Variants in ADGRL2 observed in about 807,000 individuals in gnomAD.
ADGRL2 encodes the protein adhesion G protein-coupled receptor L2.
Under a neutral mutation model 157.4 loss-of-function variants are expected in ADGRL2, and 44 were observed. The observed-to-expected ratio is 0.28, with a 90% CI of 0.22 to 0.36. The LOEUF is 0.36. Among genes scored for constraint, ADGRL2 ranks in the 10% least tolerant of loss-of-function variants. The pLI is 1.00. For missense variants in ADGRL2, 1,510 were observed against 1,768.9 expected (o/e 0.85, Z 2.63); for synonymous variants, 585 against 624.7 (o/e 0.94, Z 0.95).
At chr1:81,582,103 C>G (rs1250636703) in intron 3 of ADGRL2, among the ~76,000 whole-genome samples, 2 of 151,986 alleles carry the variant, frequency 1.3e-5, no homozygotes, top group African/African-American at 4.8e-5. Flanking sequence ...ACCTGTAACC[C>G]CAGCTCCTGG....
At chr1:81,627,385 T>C (rs1467620946) in intron 3 of ADGRL2, among the ~76,000 whole-genome samples, 2 of 152,154 alleles carry the variant, frequency 1.3e-5, no homozygotes, top group Non-Finnish European at 2.9e-5. Flanking sequence ...AGGCCTTTAA[T>C]TGAGCTGACT....
intron 14 of ADGRL2, among the ~76,000 whole-genome samples, chr1:81,968,512 G>C (rs1217128707): frequency 6.6e-6 from 1 of 152,196 alleles, no homozygotes; most frequent in Admixed American, 6.5e-5. Flanking sequence ...AGGCTCTCGA[G>C]TTTAACATGC....
intron 2 of ADGRL2, among the ~76,000 whole-genome samples, chr1:81,561,482 A>T (rs1390784513): frequency 8.8e-5 from 12 of 135,826 alleles, no homozygotes; most frequent in African/African-American, 2.8e-4. Context: ...TTTTTTTCAG[A>T]GGGAGTCTTG....
Position 81,936,719 on chromosome 1 carries a change from G to T in ADGRL2, c.288-9G>T. Reference sequence around the variant, plus strand: ...ATGTTACACAAGTTTGATACATTTTGTTTTTCAGGTGCAACAATCGAACAC... The same window carrying T: ...ATGTTACACAAGTTTGATACATTTTTTTTTTCAGGTGCAACAATCGAACAC... On this transcript the variant is annotated splice_polypyrimidine_tract_variant and intron_variant, in intron 3 of 23. Transcript: ENST00000686636. 6.9e-7 allele frequency: 1 copy of T among 1,459,352 alleles called. No homozygotes were observed. The highest frequency in any genetic ancestry group is 2.3e-5 in the East Asian group (1 of 43,654). The allele number at this position is 1,459,352 out of a possible 1,614,324, so 90.4% of individuals were successfully genotyped here.
intron 1 of ADGRL2, among the ~76,000 whole-genome samples, chr1:81,332,111 T>A (rs1449049492): frequency 6.6e-6 from 1 of 152,116 alleles, no homozygotes; most frequent in Non-Finnish European, 1.5e-5. Flanking sequence ...GCTATAGATG[T>A]CATGATAGAA....
chr1:81,374,147 A>G (rs2076206398), intron 1 of ADGRL2, among the ~76,000 whole-genome samples: 1 of 152,202 alleles, frequency 6.6e-6, no homozygotes, highest in Non-Finnish European at 1.5e-5. Context: ...TTAGCTATAC[A>G]TATACGTGGA....
intron 1 of ADGRL2, 85 bp from the exon 2 acceptor site, chr1:81,836,800 G>T: frequency 2.4e-6 from 1 of 412,120 alleles, no homozygotes; most frequent in Non-Finnish European, 4.3e-6. Flanking sequence ...TTATATTCAG[G>T]AGAGAGAGAG....
At chr1:81,356,771 G>A (rs2100874620) in intron 1 of ADGRL2, among the ~76,000 whole-genome samples, 1 of 151,932 alleles carries the variant, frequency 6.6e-6, no homozygotes. Context: ...GGCTAACACG[G>A]TGAAACCCCG....
chr1:81,403,059 G>A (rs189838438), intron 1 of ADGRL2, among the ~76,000 whole-genome samples: 6 of 151,844 alleles, frequency 4.0e-5, no homozygotes, highest in South Asian at 2.1e-4. Flanking sequence ...AGTGTAGAAC[G>A]GAAAGGTTCA....
intron 1 of ADGRL2, among the ~76,000 whole-genome samples, chr1:81,713,056 C>A (rs2083990516): frequency 6.6e-6 from 1 of 152,044 alleles, no homozygotes; most frequent in Non-Finnish European, 1.5e-5. Context: ...CCATGCCCGG[C>A]TTGAGAGTGG....
At chr1:81,680,566 A>G (rs1410231947) in intron 3 of ADGRL2, among the ~76,000 whole-genome samples, 1 of 152,050 alleles carries the variant, frequency 6.6e-6, no homozygotes, top group Non-Finnish European at 1.5e-5. Flanking sequence ...ATAATCGTGA[A>G]TTAGGCTAAT....
intron 1 of ADGRL2, among the ~76,000 whole-genome samples, chr1:81,442,297 GAC>G (rs1487288324): frequency 6.6e-6 from 1 of 152,140 alleles, no homozygotes; most frequent in Non-Finnish European, 1.5e-5. Context: ...CCTTAAAACG[GAC>G]ACAGTTAGAT....
chr1:81,395,783 AT>A (rs1274347998), intron 1 of ADGRL2, among the ~76,000 whole-genome samples: 2 of 152,162 alleles, frequency 1.3e-5, no homozygotes, highest in Non-Finnish European at 2.9e-5. Flanking sequence ...TCCCAGAACT[AT>A]TTATTGAAGA....
chr1:81,385,696 T>C (rs988602514), intron 1 of ADGRL2, among the ~76,000 whole-genome samples: 2 of 151,918 alleles, frequency 1.3e-5, no homozygotes, highest in African/African-American at 2.4e-5. Context: ...AATTTTAAAA[T>C]GAATGAACAA....
chr1:81,833,894 G>GAT (rs910175341), intron 1 of ADGRL2, among the ~76,000 whole-genome samples: 1 of 152,132 alleles, frequency 6.6e-6, no homozygotes, highest in Admixed American at 6.6e-5. Context: ...ACATGACAGG[G>GAT]TAATAGGATA....
At chr1:81,501,361 A>G (rs548348203) in intron 2 of ADGRL2, among the ~76,000 whole-genome samples, 5 of 152,198 alleles carry the variant, frequency 3.3e-5, no homozygotes, top group Non-Finnish European at 7.3e-5. Context: ...TATTTCTGCT[A>G]TGTGATTTTA....
chr1:81,712,545 CAG>C (rs2149084125), intron 1 of ADGRL2, among the ~76,000 whole-genome samples: 1 of 152,122 alleles, frequency 6.6e-6, no homozygotes, highest in African/African-American at 2.4e-5. Flanking sequence ...CACTGAGGAT[CAG>C]AGACATTAAG....
At chr1:81,480,695 G>A (rs1006695003) in intron 2 of ADGRL2, among the ~76,000 whole-genome samples, 1 of 152,118 alleles carries the variant, frequency 6.6e-6, no homozygotes, top group Non-Finnish European at 1.5e-5. Flanking sequence ...TAACGACTAA[G>A]TGGTTTTTGA....
intron 1 of ADGRL2, among the ~76,000 whole-genome samples, chr1:81,356,977 G>GAAA (rs1663362272): frequency 1.4e-5 from 1 of 70,850 alleles, no homozygotes. Flanking sequence ...AAAAAAAGAA[G>GAAA]TTGTTTCCTT....
Sources: allele counts gnomAD v4.1 joint callset (sites outside exome capture counted in the v4.1 genomes callset), GRCh38; gene constraint gnomAD v4.1.1; transcripts MANE v1.5; gene names NCBI Gene and HGNC (gene_info 2026-07-23, HGNC 2026-07-21).